The following RAP2A variants were observed in gnomAD, a reference collection of about 807,000 sequenced individuals.
The protein encoded by RAP2A is ras-related protein Rap-2a.
A neutral mutation model predicts 15.1 loss-of-function variants in RAP2A; 5 were observed. The ratio of observed to expected loss-of-function variants is 0.33; its 90% CI spans 0.17 to 0.70. The LOEUF (loss-of-function observed/expected upper bound fraction) is 0.70. Among genes scored for constraint, RAP2A ranks in the 30% least tolerant of loss-of-function variants. The probability of loss-of-function intolerance (pLI) is 0.68; values close to 1 mark genes in which losing one functional copy is unlikely to be tolerated. For missense variants in RAP2A, 111 were observed against 240.3 expected (o/e 0.46, Z 3.56); for synonymous variants, 110 against 99.7 (o/e 1.10, Z -0.62).
chr13:97,448,242 G>GAGAT (rs1419381354), intron 1 of RAP2A, among the ~76,000 whole-genome samples: 1 of 152,210 alleles, frequency 6.6e-6, no homozygotes, highest in Non-Finnish European at 1.5e-5. Context: ...ATGGAAGCCA[G>GAGAT]AGATAGGAGA....
At chr13:97,461,989 T>TA (rs1437594344) in intron 1 of RAP2A, among the ~76,000 whole-genome samples, 70 of 136,984 alleles carry the variant, frequency 5.1e-4, no homozygotes, top group African/African-American at 1.9e-3. Flanking sequence ...TATATATATA[T>TA]TTATATATTT....
At chr13:97,451,793 C>T (rs183010798) in intron 1 of RAP2A, among the ~76,000 whole-genome samples, 1 of 151,452 alleles carries the variant, frequency 6.6e-6, no homozygotes, top group Admixed American at 6.6e-5. Context: ...TCCTAACCAA[C>T]ATTTGATCAA....
chr13:97,453,278 A>G (rs995224106), intron 1 of RAP2A, among the ~76,000 whole-genome samples: 8 of 151,276 alleles, frequency 5.3e-5, no homozygotes, highest in African/African-American at 2.0e-4. Context: ...CTGTAGTACA[A>G]TATCACAAAC....
At chr13:97,456,737 A>G (rs536612452) in intron 1 of RAP2A, among the ~76,000 whole-genome samples, 2 of 145,978 alleles carry the variant, frequency 1.4e-5, no homozygotes, top group African/African-American at 5.1e-5. Context: ...CATTACATTT[A>G]CACATTTCTC....
intron 1 of RAP2A, among the ~76,000 whole-genome samples, chr13:97,453,098 T>C (rs1312968024): frequency 2.0e-5 from 3 of 151,478 alleles, no homozygotes; most frequent in Non-Finnish European, 4.4e-5. Flanking sequence ...TACATAACAT[T>C]TCCTTTTTTA....
chr13:97,434,289 G>A lies in RAP2A; in HGVS notation c.-182G>A. On this transcript the variant is annotated 5_prime_UTR_variant, in exon 1 of 2. Coordinates refer to ENST00000245304, the MANE Select transcript of RAP2A (RefSeq NM_021033.7). ...CCCGGCTCGGCCCGGCCCATGCCCA[G>A]GGCCGCTGCTCCCTCAGTTGCCGCC... 1 of 211,040 alleles carries A rather than the reference G, an allele frequency of 4.7e-6. No individual in the cohort carries two copies. Among genetic ancestry groups the A allele is most frequent in the Non-Finnish European group, 8.0e-6 (1 of 125,438 alleles). The allele number at this position is 211,040 out of a possible 1,614,324, so 13.1% of individuals were successfully genotyped here. A position where few individuals can be genotyped will look rare whatever the true frequency, so the allele number is the denominator to read the frequency against.
chr13:97,463,128 A>G (rs1255049807), intron 1 of RAP2A, among the ~76,000 whole-genome samples: 1 of 152,178 alleles, frequency 6.6e-6, no homozygotes, highest in Non-Finnish European at 1.5e-5. Context: ...AAACACACAC[A>G]CACACAGATT....
At chr13:97,441,259 A>C (rs886484058) in intron 1 of RAP2A, among the ~76,000 whole-genome samples, 9 of 152,180 alleles carry the variant, frequency 5.9e-5, no homozygotes, top group Non-Finnish European at 1.3e-4. Flanking sequence ...TAATTGTATC[A>C]ATAAAATCTA....
Position 97,468,470 on chromosome 13 carries a change from A to C in RAP2A, c.*4028A>C. ...TATGGGGCCCTATGAAAGTTGACAGATGCTGTTAATTGTATACAGCCTTCA... is the reference window on the plus strand; with the variant it reads ...TATGGGGCCCTATGAAAGTTGACAGCTGCTGTTAATTGTATACAGCCTTCA... On this transcript the variant is annotated 3_prime_UTR_variant, in exon 2 of 2. Coordinates refer to ENST00000245304, the MANE Select transcript of RAP2A (RefSeq NM_021033.7). 1 of 152,340 alleles carries C rather than the reference A, an allele frequency of 6.6e-6. No homozygotes were observed. Among genetic ancestry groups the C allele is most frequent in the East Asian group, 1.9e-4 (1 of 5,186 alleles). 9.4% of individuals were successfully genotyped at this position (152,340 alleles called of 1,614,324 possible). A position where few individuals can be genotyped will look rare whatever the true frequency, so the allele number is the denominator to read the frequency against.
chr13:97,441,572 T>G (rs2153179191), intron 1 of RAP2A, among the ~76,000 whole-genome samples: 1 of 152,278 alleles, frequency 6.6e-6, no homozygotes, highest in African/African-American at 2.4e-5. Flanking sequence ...TACACTGTAC[T>G]TAAGGGAATT....
chr13:97,454,824 G>A (rs1324876984), intron 1 of RAP2A, among the ~76,000 whole-genome samples: 2 of 151,296 alleles, frequency 1.3e-5, no homozygotes, highest in South Asian at 2.1e-4. Flanking sequence ...AATTTTCTTA[G>A]ATTTCCTTCA....
At chr13:97,442,781 C>T (rs2066663306) in intron 1 of RAP2A, among the ~76,000 whole-genome samples, 1 of 152,178 alleles carries the variant, frequency 6.6e-6, no homozygotes, top group Admixed American at 6.5e-5. Flanking sequence ...CTCTCTCCTG[C>T]TTTTCTGGTT....
intron 1 of RAP2A, among the ~76,000 whole-genome samples, chr13:97,460,194 G>A (rs1359263891): frequency 6.6e-6 from 1 of 152,158 alleles, no homozygotes; most frequent in African/African-American, 2.4e-5. Flanking sequence ...GGCCCCATGA[G>A]ATCTCATAAG....
chr13:97,453,854 A>G (rs1230521763), intron 1 of RAP2A, among the ~76,000 whole-genome samples: 3 of 150,984 alleles, frequency 2.0e-5, no homozygotes, highest in Non-Finnish European at 4.4e-5. Context: ...CCAGCATTTT[A>G]GTGTTGTCAC....
chr13:97,456,962 G>A (rs1030818882), intron 1 of RAP2A, among the ~76,000 whole-genome samples: 1 of 152,280 alleles, frequency 6.6e-6, no homozygotes, highest in South Asian at 2.1e-4. Context: ...CTAGCAAACT[G>A]TGGTAGAAGC....
At chr13:97,461,330 T>C (rs1184360192) in intron 1 of RAP2A, among the ~76,000 whole-genome samples, 2 of 152,186 alleles carry the variant, frequency 1.3e-5, no homozygotes, top group Non-Finnish European at 2.9e-5. Context: ...AGTTTAAAAA[T>C]CTTCTGAGGA....
chr13:97,450,658 TA>T lies in RAP2A; in HGVS notation c.315-13535del, dbSNP rs59138188. On this transcript the variant is annotated intron_variant, in intron 1 of 1. Coordinates refer to ENST00000245304, the MANE Select transcript of RAP2A (RefSeq NM_021033.7). Reference sequence around the variant, plus strand: ...TTTTGAATGACTTAGATATTACGCTTAAAAAAAAAAAAGAATCAATTAGTTT... The same window carrying T: ...TTTTGAATGACTTAGATATTACGCTTAAAAAAAAAAAGAATCAATTAGTTT... 5.9e-3 allele frequency among the ~76,000 whole-genome samples: 855 copies of T among 144,920 alleles called. 6 individuals carry two copies. The highest frequency in any genetic ancestry group is 0.016 in the African/African-American group (644 of 39,914).
In RAP2A at chr13:97,434,647, G is replaced by A. The variant is rs763937231; in HGVS notation, c.177G>A (p.Ala59=). The change falls in exon 1 of 2, where the codon GCG becomes GCA. Residue 59 remains alanine (A), a synonymous_variant. Coordinates refer to ENST00000245304, the MANE Select transcript of RAP2A (RefSeq NM_021033.7). ...CGGTGCTGGAGATCCTGGACACGGCGGGCACCGAGCAGTTCGCGTCCATGC... is the reference window on the plus strand; with the variant it reads ...CGGTGCTGGAGATCCTGGACACGGCAGGCACCGAGCAGTTCGCGTCCATGC... ...SPSVLEILDT[A]GTEQFASMRD... is the part of the protein sequence containing the mutation. The A allele has an allele frequency of 1.2e-6, 2 of 1,614,058 alleles. No individual in the cohort carries two copies. Among genetic ancestry groups the A allele is most frequent in the South Asian group, 1.1e-5 (1 of 91,088 alleles).
chr13:97,457,529 G>A lies in RAP2A; in HGVS notation c.315-6676G>A, dbSNP rs558771869. ...CTAAATATAATACATCTTCATATACGCTAATGGAGGACAGATAATTAAATT... is the reference window on the plus strand; with the variant it reads ...CTAAATATAATACATCTTCATATACACTAATGGAGGACAGATAATTAAATT... On this transcript the variant is annotated intron_variant, in intron 1 of 1. Transcript: ENST00000245304. Among the ~76,000 whole-genome samples, 104 of 151,728 alleles carry A rather than the reference G, an allele frequency of 6.9e-4. 1 individual carries two copies. Among genetic ancestry groups the A allele is most frequent in the African/African-American group, 2.3e-3 (95 of 41,364 alleles).
Sources: gnomAD v4.1 joint callset for allele counts (sites outside exome capture counted in the v4.1 genomes callset) on GRCh38, gnomAD v4.1.1 for gene constraint, MANE v1.5 for transcripts, NCBI Gene and HGNC (gene_info 2026-07-23, HGNC 2026-07-21) for gene names.